Variants in EEFSEC observed in about 807,000 individuals in gnomAD.
EEFSEC encodes the protein eukaryotic elongation factor, selenocysteine-tRNA specific.
EEFSEC carries 43 observed loss-of-function variants against 42.1 expected under a neutral mutation model. That is an observed-to-expected ratio of 1.02 (90% CI 0.80 to 1.32). The LOEUF is 1.32. Among genes scored for constraint, EEFSEC ranks in the 40% most tolerant of loss-of-function variants. The pLI is 0.00. For missense variants in EEFSEC, 745 were observed against 803.6 expected, an observed-to-expected ratio of 0.93 and a Z score of 0.88; for synonymous variants, 354 against 339.1, an observed-to-expected ratio of 1.04 and a Z score of -0.48.
chr3:128,199,874 C>T (rs1297353461), intron 1 of EEFSEC, among the ~76,000 whole-genome samples: 1 of 152,024 alleles, frequency 6.6e-6, no homozygotes, highest in African/African-American at 2.4e-5. Context: ...GCTGGGATTA[C>T]AGGCGCACGC....
At chr3:128,230,118 T>C (rs1467077629) in intron 1 of EEFSEC, among the ~76,000 whole-genome samples, 1 of 151,418 alleles carries the variant, frequency 6.6e-6, no homozygotes, top group African/African-American at 2.4e-5. Context: ...CATTCATTCT[T>C]TCTCTCCCTC....
intron 6 of EEFSEC, among the ~76,000 whole-genome samples, chr3:128,405,017 C>CTTT (rs397794836): frequency 7.1e-6 from 1 of 140,454 alleles, no homozygotes. Context: ...ACCCTTGTCA[C>CTTT]TTTTTTTTTT....
intron 4 of EEFSEC, among the ~76,000 whole-genome samples, chr3:128,300,749 C>T (rs1314336212): frequency 6.6e-6 from 1 of 152,096 alleles, no homozygotes; most frequent in Non-Finnish European, 1.5e-5. Flanking sequence ...AATCCTAATG[C>T]AATATGAAAA....
chr3:128,306,854 C>T (rs1473330127), intron 4 of EEFSEC, among the ~76,000 whole-genome samples: 1 of 152,244 alleles, frequency 6.6e-6, no homozygotes, highest in Non-Finnish European at 1.5e-5. Context: ...AGCTGTGATT[C>T]ATCCCCAATC....
Position 128,153,680 on chromosome 3 carries a change from T to C in EEFSEC, c.173T>C (p.Val58Ala), listed in dbSNP as rs1246560753. The change falls in exon 1 of 7, where the codon GTG becomes GCG. Residue 58 changes from valine (V) to alanine (A), a missense_variant. Transcript: ENST00000254730. ...TLDLGFSCFS[V>A]PLPARLRSSL... Reference sequence around the variant, plus strand: ...GATCTGGGCTTCTCGTGCTTCTCGGTGCCGCTGCCCGCGCGCCTGCGGTCG... The same window carrying C: ...GATCTGGGCTTCTCGTGCTTCTCGGCGCCGCTGCCCGCGCGCCTGCGGTCG... The C allele has an allele frequency of 1.9e-6, 3 of 1,594,574 alleles. No individual in the cohort carries two copies. Among genetic ancestry groups the C allele is most frequent in the African/African-American group, 2.7e-5 (2 of 73,800 alleles).
At chr3:128,237,680 C>T (rs992416876) in intron 1 of EEFSEC, among the ~76,000 whole-genome samples, 7 of 152,120 alleles carry the variant, frequency 4.6e-5, no homozygotes, top group Non-Finnish European at 8.8e-5. Context: ...TTCCTTTTGG[C>T]GGGGGTCCAA....
At chr3:128,320,212 G>T (rs1173325874) in intron 4 of EEFSEC, among the ~76,000 whole-genome samples, 1 of 152,204 alleles carries the variant, frequency 6.6e-6, no homozygotes, top group Non-Finnish European at 1.5e-5. Context: ...TGGCTTGTAG[G>T]CTTCAAGGGC....
At chr3:128,160,564 G>A (rs1415137856) in intron 1 of EEFSEC, among the ~76,000 whole-genome samples, 1 of 152,116 alleles carries the variant, frequency 6.6e-6, no homozygotes, top group African/African-American at 2.4e-5. Context: ...TGCTGGGCAG[G>A]GATTCCCACT....
chr3:128,219,312 A>C (rs2065840780), intron 1 of EEFSEC, among the ~76,000 whole-genome samples: 1 of 152,184 alleles, frequency 6.6e-6, no homozygotes, highest in Admixed American at 6.5e-5. Context: ...CATCAGGGTT[A>C]TATCACTCCC....
At chr3:128,261,135 G>C (rs1484910553) in intron 2 of EEFSEC, among the ~76,000 whole-genome samples, 2 of 152,212 alleles carry the variant, frequency 1.3e-5, no homozygotes, top group Non-Finnish European at 2.9e-5. Context: ...AACAGGCCCA[G>C]GTGGAGAGAA....
chr3:128,402,982 A>T (rs1390637241), intron 6 of EEFSEC, among the ~76,000 whole-genome samples: 1 of 152,206 alleles, frequency 6.6e-6, no homozygotes, highest in East Asian at 1.9e-4. Flanking sequence ...CAAAACAAGG[A>T]CATCATAGAG....
intron 4 of EEFSEC, among the ~76,000 whole-genome samples, chr3:128,291,406 T>C (rs1175820893): frequency 6.6e-6 from 1 of 152,214 alleles, no homozygotes. Context: ...AATACTGTTA[T>C]CCCTTTCTTG....
chr3:128,358,654 G>T (rs6785459), intron 6 of EEFSEC, among the ~76,000 whole-genome samples: 6,276 of 152,266 alleles, frequency 0.041, 440 homozygotes, highest in African/African-American at 0.14. Context: ...CCTTGGGCCC[G>T]CACCTTGGTT....
intron 1 of EEFSEC, among the ~76,000 whole-genome samples, chr3:128,221,209 C>A (rs958293253): frequency 1.3e-5 from 2 of 151,992 alleles, no homozygotes; most frequent in African/African-American, 4.8e-5. Context: ...TGAGGAAACA[C>A]TAAGAGAAGA....
chr3:128,296,986 G>A (rs2066713377), intron 4 of EEFSEC, among the ~76,000 whole-genome samples: 1 of 152,168 alleles, frequency 6.6e-6, no homozygotes, highest in South Asian at 2.1e-4. Context: ...CCAGAGGTTT[G>A]GCAAAGCTCC....
intron 4 of EEFSEC, among the ~76,000 whole-genome samples, chr3:128,334,125 G>A (rs1406966934): frequency 6.6e-6 from 1 of 152,216 alleles, no homozygotes; most frequent in East Asian, 1.9e-4. Context: ...GCTTCCAGGT[G>A]AGACAGCCTA....
intron 1 of EEFSEC, among the ~76,000 whole-genome samples, chr3:128,245,638 C>G (rs2066119040): frequency 1.3e-5 from 2 of 152,154 alleles, no homozygotes; most frequent in African/African-American, 4.8e-5. Flanking sequence ...CCTCTTGGAA[C>G]AGTGGGAAGA....
At chr3:128,235,358 C>T (rs1055066970) in intron 1 of EEFSEC, among the ~76,000 whole-genome samples, 4 of 152,072 alleles carry the variant, frequency 2.6e-5, no homozygotes, top group Admixed American at 6.5e-5. Flanking sequence ...CCTGAGCCAC[C>T]GCGCCCAGCC....
intron 1 of EEFSEC, among the ~76,000 whole-genome samples, chr3:128,155,768 C>T (rs374866872): frequency 9.2e-5 from 14 of 152,318 alleles, no homozygotes; most frequent in East Asian, 3.9e-4. Flanking sequence ...AGTACTTCAT[C>T]TTTGTTACCT....
Sources: gnomAD v4.1 joint callset for allele counts (sites outside exome capture counted in the v4.1 genomes callset) on GRCh38, gnomAD v4.1.1 for gene constraint, MANE v1.5 for transcripts, NCBI Gene and HGNC (gene_info 2026-07-23, HGNC 2026-07-21) for gene names.